MYT1L: variants seen among roughly 807,000 people sequenced by gnomAD.
MYT1L encodes myelin transcription factor 1-like protein.
A neutral mutation model predicts 126.7 loss-of-function variants in MYT1L; 12 were observed. That is an observed-to-expected ratio of 0.09 (90% CI 0.06 to 0.15). The LOEUF is 0.15. Among genes scored for constraint, MYT1L ranks in the 10% least tolerant of loss-of-function variants. The probability of loss-of-function intolerance (pLI) is 1.00; values close to 1 mark genes in which losing one functional copy is unlikely to be tolerated. For missense variants in MYT1L, 979 were observed against 1,585.2 expected, an observed-to-expected ratio of 0.62 and a Z score of 6.49; for synonymous variants, 541 against 604.2, an observed-to-expected ratio of 0.90 and a Z score of 1.53.
chr2:2,170,635 A>C (rs1227183764), intron 3 of MYT1L, among the ~76,000 whole-genome samples: 1 of 152,252 alleles, frequency 6.6e-6, no homozygotes, highest in African/African-American at 2.4e-5. Context: ...TATAATGCTA[A>C]ATCTATTTAT....
chr2:1,942,915 C>A (rs207461443), intron 9 of MYT1L, 67 bp downstream of exon 9: 8 of 1,458,772 alleles, frequency 5.5e-6, no homozygotes, highest in Admixed American at 2.6e-5. Context: ...TAGTAACAGC[C>A]GGCAATTCAC....
chr2:2,276,808 CA>C (rs1469172274), intron 2 of MYT1L, among the ~76,000 whole-genome samples: 4 of 152,060 alleles, frequency 2.6e-5, no homozygotes, highest in African/African-American at 9.7e-5. Context: ...CTCTTGCCTC[CA>C]TATCAGATGC....
At chr2:1,935,583 C>T (rs941902433) in intron 9 of MYT1L, among the ~76,000 whole-genome samples, 3 of 152,162 alleles carry the variant, frequency 2.0e-5, no homozygotes, top group Non-Finnish European at 4.4e-5. Flanking sequence ...CTTCTTTAAG[C>T]TTCAAAATAA....
intron 2 of MYT1L, among the ~76,000 whole-genome samples, chr2:2,280,413 T>G (rs1210238764): frequency 1.3e-5 from 2 of 152,194 alleles, no homozygotes; most frequent in Non-Finnish European, 2.9e-5. Context: ...TCCAAGAAAC[T>G]ATTTGGAGTG....
At chr2:2,032,709 C>T (rs1318699875) in intron 4 of MYT1L, among the ~76,000 whole-genome samples, 1 of 105,544 alleles carries the variant, frequency 9.5e-6, no homozygotes, top group Admixed American at 1.0e-4. Context: ...TGGCCCAGAG[C>T]AGATTCTAGA....
chr2:2,145,421 G>A (rs59436962), intron 3 of MYT1L, among the ~76,000 whole-genome samples: 11,299 of 152,190 alleles, frequency 0.074, 524 homozygotes, highest in African/African-American at 0.12. Context: ...TAAAAGATGT[G>A]TCATAAAAAT....
intron 21 of MYT1L, among the ~76,000 whole-genome samples, chr2:1,830,542 G>C (rs140622476): frequency 4.7e-3 from 601 of 127,330 alleles, no homozygotes; most frequent in African/African-American, 0.011. Flanking sequence ...CTCGGCACCC[G>C]GAAGGGCTCA....
chr2:2,202,578 G>A (rs1294454283), intron 2 of MYT1L, among the ~76,000 whole-genome samples: 1 of 152,288 alleles, frequency 6.6e-6, no homozygotes, highest in Admixed American at 6.5e-5. Flanking sequence ...CCAGGAAGAA[G>A]TTGAATCTCT....
chr2:1,809,040 G>T, intron 22 of MYT1L, 36 bp downstream of exon 22: 1 of 1,603,298 alleles, frequency 6.2e-7, no homozygotes, highest in African/African-American at 1.3e-5. Flanking sequence ...GGGCCTTCCT[G>T]ACCATGGGTG....
intron 8 of MYT1L, among the ~76,000 whole-genome samples, chr2:1,966,864 T>A (rs1443884525): frequency 6.6e-6 from 1 of 151,912 alleles, no homozygotes; most frequent in African/African-American, 2.4e-5. Context: ...TCTTAAAAAA[T>A]CAGAGGAAAA....
intron 2 of MYT1L, among the ~76,000 whole-genome samples, chr2:2,176,048 C>G (rs1347269977): frequency 6.6e-6 from 1 of 152,186 alleles, no homozygotes; most frequent in East Asian, 1.9e-4. Flanking sequence ...TAGCTCACTG[C>G]GTTGCTCACA....
At chr2:2,217,963 G>A (rs2148959225) in intron 2 of MYT1L, among the ~76,000 whole-genome samples, 1 of 152,230 alleles carries the variant, frequency 6.6e-6, no homozygotes, top group East Asian at 1.9e-4. Flanking sequence ...ATAAACACAT[G>A]AAAAGATGCT....
At chr2:1,878,617 C>T (rs1464767005) in intron 18 of MYT1L, among the ~76,000 whole-genome samples, 3 of 152,130 alleles carry the variant, frequency 2.0e-5, no homozygotes, top group African/African-American at 7.2e-5. Flanking sequence ...ATCAAGAATG[C>T]ACTTCCTTAG....
chr2:1,814,663 T>C (rs2037347388), intron 21 of MYT1L, among the ~76,000 whole-genome samples: 1 of 152,158 alleles, frequency 6.6e-6, no homozygotes, highest in Admixed American at 6.5e-5. Context: ...TCTTTCTCTT[T>C]TATGGGTCTT....
At chr2:1,900,321 A>G (rs961337376) in intron 14 of MYT1L, among the ~76,000 whole-genome samples, 1 of 150,526 alleles carries the variant, frequency 6.6e-6, no homozygotes, top group African/African-American at 2.5e-5. Flanking sequence ...TTTCTTGAAG[A>G]TGGAGTCTCG....
intron 9 of MYT1L, among the ~76,000 whole-genome samples, chr2:1,931,897 T>C (rs904040277): frequency 6.6e-6 from 1 of 152,132 alleles, no homozygotes; most frequent in African/African-American, 2.4e-5. Flanking sequence ...CTCACTCCTG[T>C]CCACGCCCTC....
intron 4 of MYT1L, among the ~76,000 whole-genome samples, chr2:2,051,329 T>A (rs2068802230): frequency 6.6e-6 from 1 of 152,210 alleles, no homozygotes; most frequent in South Asian, 2.1e-4. Flanking sequence ...TCTTTAAAGA[T>A]CCACTTTTGG....
chr2:2,104,448 A>T (rs1349623991), intron 3 of MYT1L, among the ~76,000 whole-genome samples: 1 of 152,224 alleles, frequency 6.6e-6, no homozygotes, highest in South Asian at 2.1e-4. Context: ...AAAAGCTAGA[A>T]GAAAAACTGC....
chr2:1,976,990 T>A (rs1162587421), intron 8 of MYT1L, among the ~76,000 whole-genome samples: 1 of 152,216 alleles, frequency 6.6e-6, no homozygotes, highest in Non-Finnish European at 1.5e-5. Flanking sequence ...GAAGCTAGCA[T>A]CTGGGCCAAG....
Sources: allele counts gnomAD v4.1 joint callset (sites outside exome capture counted in the v4.1 genomes callset), GRCh38; gene constraint gnomAD v4.1.1; transcripts MANE v1.5; gene names NCBI Gene and HGNC (gene_info 2026-07-23, HGNC 2026-07-21).